AKAP13: variants seen among roughly 807,000 people sequenced by gnomAD.
The protein encoded by AKAP13 is A-kinase anchoring protein 13.
Under a neutral mutation model 264.5 loss-of-function variants are expected in AKAP13, and 80 were observed. The ratio of observed to expected loss-of-function variants is 0.30; its 90% CI spans 0.25 to 0.36. The LOEUF is 0.36. Ranked by LOEUF, AKAP13 falls within the 10% of genes least tolerant of loss-of-function variation. The pLI, the probability that AKAP13 is intolerant of heterozygous loss-of-function variation, is 1.00. For missense variants in AKAP13, 3,712 were observed against 3,435.2 expected (o/e 1.08, Z -2.01); for synonymous variants, 1,380 against 1,250.2 (o/e 1.10, Z -2.19).
intron 3 of AKAP13, among the ~76,000 whole-genome samples, chr15:85,522,909 C>A (rs1314854950): frequency 1.5e-5 from 2 of 131,610 alleles, no homozygotes; most frequent in Non-Finnish European, 3.3e-5. Context: ...TACCAGCCAC[C>A]CCCCCCACCC....
chr15:85,551,149 C>G (rs756942810), intron 5 of AKAP13, among the ~76,000 whole-genome samples: 11 of 152,150 alleles, frequency 7.2e-5, no homozygotes, highest in Admixed American at 2.6e-4. Flanking sequence ...TGGTTAATAA[C>G]TCTGGTTCTC....
At chr15:85,532,899 C>G (rs1215144842) in intron 3 of AKAP13, among the ~76,000 whole-genome samples, 1 of 152,202 alleles carries the variant, frequency 6.6e-6, no homozygotes, top group African/African-American at 2.4e-5. Flanking sequence ...ACTGGGCTCC[C>G]AGCCACAGCA....
chr15:85,508,104 A>G (rs529689275), intron 2 of AKAP13, among the ~76,000 whole-genome samples: 11 of 150,304 alleles, frequency 7.3e-5, no homozygotes, highest in African/African-American at 2.7e-4. Flanking sequence ...CCTGAGTAAT[A>G]TTGATGGAGC....
In AKAP13 at chr15:85,544,049, T is replaced by G; in HGVS notation, c.662+94T>G. 8.2e-6 allele frequency: 12 copies of G among 1,458,532 alleles called. No homozygotes were observed. In the South Asian group the frequency reaches 1.3e-4, roughly 16 times the overall value. 90.3% of individuals were successfully genotyped at this position (1,458,532 alleles called of 1,614,324 possible). A position where few individuals can be genotyped will look rare whatever the true frequency, so the allele number is the denominator to read the frequency against. On this transcript the variant is annotated intron_variant, in intron 5 of 36. Coordinates refer to ENST00000394518, the MANE Select transcript of AKAP13 (RefSeq NM_007200.5). ...ACCCACTTGGCATCTCATTGTGTGT[T>G]TGCCGCAAATTAAAACCTCAGCTCT...
At chr15:85,450,181 C>T (rs1463376246) in intron 1 of AKAP13, among the ~76,000 whole-genome samples, 1 of 151,930 alleles carries the variant, frequency 6.6e-6, no homozygotes, top group African/African-American at 2.4e-5. Flanking sequence ...TCCATCTCTT[C>T]TAGTTTTTCT....
intron 8 of AKAP13, among the ~76,000 whole-genome samples, chr15:85,633,641 T>C (rs2081956292): frequency 6.7e-6 from 1 of 149,114 alleles, no homozygotes; most frequent in South Asian, 2.1e-4. Flanking sequence ...CCTCCCGGGT[T>C]CACGCCATTC....
At chr15:85,539,975 A>T (rs990701732) in intron 4 of AKAP13, among the ~76,000 whole-genome samples, 1 of 152,228 alleles carries the variant, frequency 6.6e-6, no homozygotes, top group African/African-American at 2.4e-5. Context: ...CAGGTTTATT[A>T]TGAAATTAGA....
chr15:85,434,440 C>T (rs1018518558), intron 1 of AKAP13, among the ~76,000 whole-genome samples: 1 of 152,172 alleles, frequency 6.6e-6, no homozygotes, highest in African/African-American at 2.4e-5. Flanking sequence ...ACAAAGCAGC[C>T]GGGAAGCTCG....
Position 85,743,570 on chromosome 15 carries a change from C to T in AKAP13, c.8137C>T (p.Pro2713Ser). 2 of 1,614,180 alleles carry T rather than the reference C, an allele frequency of 1.2e-6. No homozygotes were observed. Among genetic ancestry groups the T allele is most frequent in the Non-Finnish European group, 1.7e-6 (2 of 1,180,032 alleles). Reference protein sequence around the residue: ...SPEEPPSPSAPSIAKSGSLDS... With the variant: ...SPEEPPSPSASSIAKSGSLDS... The stretch of plus-strand genomic sequence containing the variant: ...TGAGGAGCCCCCCTCGCCATCTGCA[C>T]CTTCCATAGCCAAATCAGGGTCATT... The change falls in exon 36 of 37, where the codon CCT becomes TCT. Residue 2713 changes from proline (P) to serine (S), a missense_variant. By Grantham distance (74) the Pro-to-Ser change is moderately conservative. Transcript: ENST00000394518.
intron 2 of AKAP13, among the ~76,000 whole-genome samples, chr15:85,502,160 T>C (rs371010415): frequency 6.6e-6 from 1 of 152,280 alleles, no homozygotes; most frequent in South Asian, 2.1e-4. Context: ...TCCAACACTT[T>C]GAGAACCCAT....
chr15:85,620,366 C>T (rs2081128362), intron 8 of AKAP13, among the ~76,000 whole-genome samples: 1 of 152,150 alleles, frequency 6.6e-6, no homozygotes, highest in African/African-American at 2.4e-5. Flanking sequence ...TGGTAATCAG[C>T]ATTGGACCAC....
intron 21 of AKAP13, among the ~76,000 whole-genome samples, chr15:85,717,650 C>T (rs2087027605): frequency 6.6e-6 from 1 of 152,174 alleles, no homozygotes; most frequent in Non-Finnish European, 1.5e-5. Flanking sequence ...TCTTTTCCTT[C>T]CCTTAGACTT....
chr15:85,420,865 C>T lies in AKAP13; in HGVS notation c.-12+40067C>T, dbSNP rs371741905. Among the ~76,000 whole-genome samples, 22 of 152,108 alleles carry T rather than the reference C, an allele frequency of 1.4e-4. No homozygotes were observed. In the East Asian group the frequency reaches 3.7e-3, roughly 25 times the overall value. ...TTAACAGGCTGAAGTAGGAGGATTGCTTAAGTCCAGGAGTTTGAGGCCAGA... is the reference window on the plus strand; with the variant it reads ...TTAACAGGCTGAAGTAGGAGGATTGTTTAAGTCCAGGAGTTTGAGGCCAGA... On this transcript the variant is annotated intron_variant, in intron 1 of 36. Coordinates refer to ENST00000394518, the MANE Select transcript of AKAP13 (RefSeq NM_007200.5).
intron 1 of AKAP13, among the ~76,000 whole-genome samples, chr15:85,436,741 C>T (rs1459400542): frequency 6.6e-6 from 1 of 151,706 alleles, no homozygotes; most frequent in Non-Finnish European, 1.5e-5. Context: ...GAAATGAAGG[C>T]AGAAATAAAA....
At chr15:85,664,781 GA>G in intron 13 of AKAP13, 26 bp downstream of exon 13, 1 of 1,588,604 alleles carries the variant, frequency 6.3e-7, no homozygotes, top group Non-Finnish European at 8.6e-7. Flanking sequence ...GTCTAATTTG[GA>G]AAAAATATAT....
At chr15:85,582,539 C>A (rs1171070394) in intron 7 of AKAP13, among the ~76,000 whole-genome samples, 1 of 152,178 alleles carries the variant, frequency 6.6e-6, no homozygotes, top group Non-Finnish European at 1.5e-5. Context: ...CCCCTATCAT[C>A]CTAGTCTGTA....
intron 9 of AKAP13, among the ~76,000 whole-genome samples, chr15:85,641,889 T>G (rs1250352770): frequency 6.6e-6 from 1 of 152,200 alleles, no homozygotes; most frequent in Non-Finnish European, 1.5e-5. Flanking sequence ...GCCCACCGGA[T>G]TTCAGCAGTG....
At chr15:85,459,551 G>C (rs2074425398) in intron 1 of AKAP13, among the ~76,000 whole-genome samples, 1 of 151,480 alleles carries the variant, frequency 6.6e-6, no homozygotes. Context: ...CCAGGCTGGA[G>C]TGCAGTGGTG....
At chr15:85,439,272 A>G (rs2073500565) in intron 1 of AKAP13, among the ~76,000 whole-genome samples, 2 of 145,396 alleles carry the variant, frequency 1.4e-5, no homozygotes, top group African/African-American at 5.1e-5. Flanking sequence ...ACAATGAGAT[A>G]CCATCTCACA....
Sources: gnomAD v4.1 joint callset for allele counts (sites outside exome capture counted in the v4.1 genomes callset) on GRCh38, gnomAD v4.1.1 for gene constraint, MANE v1.5 for transcripts, NCBI Gene and HGNC (gene_info 2026-07-23, HGNC 2026-07-21) for gene names.